The following RBFOX1 variants were observed in gnomAD, a reference collection of about 807,000 sequenced individuals.
The protein encoded by RBFOX1 is RNA binding protein fox-1 homolog 1.
Under a neutral mutation model 57.7 loss-of-function variants are expected in RBFOX1, and 8 were observed. The observed-to-expected ratio is 0.14, with a 90% confidence interval of 0.08 to 0.25. The LOEUF (loss-of-function observed/expected upper bound fraction) is 0.25. RBFOX1 is among the 10% of genes least tolerant of loss of function. The probability of loss-of-function intolerance (pLI) is 1.00; values close to 1 mark genes in which losing one functional copy is unlikely to be tolerated. For synonymous variants in RBFOX1, 326 were observed against 222.4 expected (o/e 1.47, Z -4.15); for missense variants, 611 against 548.5 (o/e 1.11, Z -1.14).
intron 4 of RBFOX1, among the ~76,000 whole-genome samples, chr16:5,895,009 T>C (rs1006873498): frequency 4.0e-5 from 6 of 148,166 alleles, no homozygotes. Context: ...GGCAACAGAG[T>C]GAGACTCCGT....
intron 1 of RBFOX1, among the ~76,000 whole-genome samples, chr16:5,349,891 T>C (rs1201764896): frequency 6.6e-6 from 1 of 152,084 alleles, no homozygotes; most frequent in African/African-American, 2.4e-5. Context: ...AGGAAACACA[T>C]GTGCACCATC....
chr16:7,402,917 T>C (rs562067308), intron 4 of RBFOX1, among the ~76,000 whole-genome samples: 3 of 152,234 alleles, frequency 2.0e-5, no homozygotes, highest in African/African-American at 7.2e-5. Context: ...TCTATAGATG[T>C]AGGAAGGCTT....
In RBFOX1 at chr16:6,009,099, CT is replaced by C. The variant is rs536519387; in HGVS notation, c.351+141779del. On this transcript the variant is annotated intron_variant, in intron 4 of 19. Coordinates refer to the RBFOX1 transcript ENST00000641259. ...CATAAGGCATATGGTTTGTCTTTTACTTTTTTTTTTTTTTTCTTCTCCATCT... is the reference window on the plus strand; with the variant it reads ...CATAAGGCATATGGTTTGTCTTTTACTTTTTTTTTTTTTTCTTCTCCATCT... Among the ~76,000 whole-genome samples, 805 of 142,220 alleles carry C rather than the reference CT, an allele frequency of 5.7e-3. 2 individuals are homozygous for C. The highest frequency in any genetic ancestry group is 0.011 in the African/African-American group (439 of 39,062). 93.3% of individuals were successfully genotyped at this position (142,220 alleles called of 152,430 possible). A position where few individuals can be genotyped will look rare whatever the true frequency, so the allele number is the denominator to read the frequency against.
chr16:7,635,129 T>G (rs963430582), intron 11 of RBFOX1, among the ~76,000 whole-genome samples: 1 of 152,136 alleles, frequency 6.6e-6, no homozygotes, highest in East Asian at 1.9e-4. Context: ...AACATCAAAA[T>G]TGGCACCAGG....
chr16:5,374,184 C>T (rs1159582007), intron 1 of RBFOX1, among the ~76,000 whole-genome samples: 1 of 152,240 alleles, frequency 6.6e-6, no homozygotes, highest in Non-Finnish European at 1.5e-5. Context: ...CTGTTCCACC[C>T]ACCTCGGCCT....
At chr16:5,898,935 T>A (rs1470795054) in intron 4 of RBFOX1, among the ~76,000 whole-genome samples, 2 of 151,352 alleles carry the variant, frequency 1.3e-5, no homozygotes, top group African/African-American at 4.9e-5. Context: ...TGGTGTCATT[T>A]GCCTGTGGTC....
chr16:7,680,991 C>T (rs74011829), intron 14 of RBFOX1, among the ~76,000 whole-genome samples: 6,530 of 152,122 alleles, frequency 0.043, 307 homozygotes, highest in African/African-American at 0.11. Flanking sequence ...GAGACCAGGG[C>T]TTGTTAATTT....
At chr16:5,379,467 C>G (rs890486655) in intron 1 of RBFOX1, among the ~76,000 whole-genome samples, 7 of 147,208 alleles carry the variant, frequency 4.8e-5, no homozygotes, top group Non-Finnish European at 1.0e-4. Context: ...ACATAATCAT[C>G]TCTGAATGAC....
At chr16:6,739,178 A>C (rs748512886) in intron 3 of RBFOX1, among the ~76,000 whole-genome samples, 5 of 152,078 alleles carry the variant, frequency 3.3e-5, no homozygotes, top group Non-Finnish European at 7.3e-5. Flanking sequence ...GAAAAACAAG[A>C]GAGAAATGCT....
At chr16:6,425,385 A>G (rs990542761) in intron 2 of RBFOX1, among the ~76,000 whole-genome samples, 12 of 152,180 alleles carry the variant, frequency 7.9e-5, no homozygotes, top group African/African-American at 2.9e-4. Context: ...CCTCTCCTGA[A>G]TATTCCAATT....
chr16:6,806,574 C>G (rs75482105), intron 3 of RBFOX1, among the ~76,000 whole-genome samples: 5 of 151,660 alleles, frequency 3.3e-5, no homozygotes, highest in African/African-American at 1.2e-4. Context: ...TTTTAAAGAG[C>G]CTGAACTAGT....
At chr16:5,730,411 G>C (rs17134928) in intron 3 of RBFOX1, among the ~76,000 whole-genome samples, 16,040 of 152,108 alleles carry the variant, frequency 0.11, 2,813 homozygotes, top group African/African-American at 0.36. Context: ...GTCTGTAGAG[G>C]GCATGGAACT....
intron 5 of RBFOX1, among the ~76,000 whole-genome samples, chr16:7,535,511 G>C (rs2081266946): frequency 6.6e-6 from 1 of 152,202 alleles, no homozygotes; most frequent in South Asian, 2.1e-4. Flanking sequence ...CTAGATACAG[G>C]GAAGGGAGGC....
chr16:7,668,227 C>A (rs1298641102), intron 13 of RBFOX1, among the ~76,000 whole-genome samples: 1 of 152,254 alleles, frequency 6.6e-6, no homozygotes, highest in East Asian at 1.9e-4. Flanking sequence ...GGTTGGAGCC[C>A]TCGGGCATTT....
chr16:7,215,356 G>A lies in RBFOX1; in HGVS notation c.27+163258G>A, dbSNP rs542119459. Among the ~76,000 whole-genome samples, 5 of 152,258 alleles carry A rather than the reference G, an allele frequency of 3.3e-5. No homozygotes were observed. In the South Asian group the frequency reaches 6.2e-4, roughly 19 times the overall value. On this transcript the variant is annotated intron_variant, in intron 4 of 15. Transcript: ENST00000550418. ...GTATTATAAATCATTCTTCTATAAA[G>A]ACACCTGCACATGTATGTTTATTGC...
In RBFOX1 at chr16:5,497,622, C is replaced by CAAAAAAAAAAAAA. The variant is rs911723996; in HGVS notation, c.258+30372_258+30384dup. 1.7e-3 allele frequency among the ~76,000 whole-genome samples: 93 copies of CAAAAAAAAAAAAA among 53,402 alleles called. 2 individuals are homozygous for CAAAAAAAAAAAAA. The highest frequency in any genetic ancestry group is 9.0e-3 in the African/African-American group (81 of 9,006). The allele number at this position is 53,402 out of a possible 152,430, so 35.0% of individuals were successfully genotyped here. On this transcript the variant is annotated intron_variant, in intron 2 of 2. Transcript: ENST00000585867. ...TGAAACCCTATCTCTACTAAAAATA[C>CAAAAAAAAAAAAA]AAAAAAAAAAAAAAAAGCTGGGCAT...
chr16:5,974,747 G>A (rs1038482748), intron 4 of RBFOX1, among the ~76,000 whole-genome samples: 3 of 151,906 alleles, frequency 2.0e-5, no homozygotes, highest in East Asian at 3.9e-4. Flanking sequence ...AGTGGCTCAC[G>A]TCTGTAATCC....
At position 7,518,277 on chromosome 16, in the gene RBFOX1, C is replaced by A. The variant is rs1600686165; in HGVS notation, c.158C>A (p.Thr53Lys). The change falls in exon 5 of 16, where the codon ACA becomes AAA. Residue 53 changes from threonine to lysine, a missense_variant. Coordinates refer to ENST00000550418, the MANE Select transcript of RBFOX1 (RefSeq NM_018723.4). ...APHPHPAPEYTGQTTVPEHTL... is the reference protein window; with the variant it reads ...APHPHPAPEYKGQTTVPEHTL... Reference sequence around the variant, plus strand: ...CATCCCCACCCCGCGCCAGAGTACACAGGCCAGACCACGGTTCCCGAGCAC... The same window carrying A: ...CATCCCCACCCCGCGCCAGAGTACAAAGGCCAGACCACGGTTCCCGAGCAC... The A allele has an allele frequency of 6.2e-7, 1 of 1,614,040 alleles. No homozygotes were observed. The highest frequency in any genetic ancestry group is 1.3e-5 in the African/African-American group (1 of 74,940).
At chr16:6,836,071 C>T (rs982449640) in intron 3 of RBFOX1, among the ~76,000 whole-genome samples, 1 of 152,214 alleles carries the variant, frequency 6.6e-6, no homozygotes, top group East Asian at 1.9e-4. Context: ...TAGCTCAGCT[C>T]TGCTACAAAA....
Sources: allele counts gnomAD v4.1 joint callset (sites outside exome capture counted in the v4.1 genomes callset), GRCh38; gene constraint gnomAD v4.1.1; transcripts MANE v1.5; gene names NCBI Gene and HGNC (gene_info 2026-07-23, HGNC 2026-07-21).